The following LRRC36 variants were observed in gnomAD, a reference collection of about 807,000 sequenced individuals.
The protein encoded by LRRC36 is leucine rich repeat containing 36, also known as leucine-rich repeat-containing protein 36.
Under a neutral mutation model 81.1 loss-of-function variants are expected in LRRC36, and 62 were observed. The ratio of observed to expected loss-of-function variants is 0.76; its 90% CI spans 0.62 to 0.94. The LOEUF is 0.94. Among genes scored for constraint, LRRC36 ranks in the 40% least tolerant of loss-of-function variants. The pLI, the probability that LRRC36 is intolerant of heterozygous loss-of-function variation, is 0.00. For missense variants in LRRC36, 761 were observed against 881.7 expected (o/e 0.86, Z 1.73); for synonymous variants, 334 against 348.6 (o/e 0.96, Z 0.47).
At chr16:67,376,950 C>T (rs2039923958) in intron 11 of LRRC36, 78 bp downstream of exon 11, 2 of 1,436,736 alleles carry the variant, frequency 1.4e-6, no homozygotes, top group Non-Finnish European at 1.9e-6. Context: ...ATCAGCATCA[C>T]CGTGAACACC....
intron 13 of LRRC36, 29 bp from the exon 14 acceptor site, chr16:67,384,841 C>A (rs1035925933): frequency 6.3e-6 from 10 of 1,582,816 alleles, no homozygotes; most frequent in South Asian, 1.1e-5. Flanking sequence ...TTTATGATTT[C>A]ATGACTGCCT....
At position 67,326,946 on chromosome 16, in the gene LRRC36, G is replaced by A. The variant is rs1389967245; in HGVS notation, c.70+14G>A. 6.7e-7 allele frequency: 1 copy of A among 1,498,128 alleles called. No homozygotes were observed. The highest frequency in any genetic ancestry group is 8.8e-7 in the Non-Finnish European group (1 of 1,135,060). The allele number at this position is 1,498,128 out of a possible 1,614,324, so 92.8% of individuals were successfully genotyped here. A position where few individuals can be genotyped will look rare whatever the true frequency, so the allele number is the denominator to read the frequency against. ...TGGAGCAGCCGGGTAGGGTCTGGCC[G>A]GGAGGGTGTGGACTGGGAACGTAGG... On this transcript the variant is annotated intron_variant, in intron 1 of 13. Coordinates refer to ENST00000329956, the MANE Select transcript of LRRC36 (RefSeq NM_018296.6).
chr16:67,361,411 T>C (rs1323091715), intron 5 of LRRC36, among the ~76,000 whole-genome samples: 1 of 152,224 alleles, frequency 6.6e-6, no homozygotes, highest in Non-Finnish European at 1.5e-5. Context: ...TTGTTATTTT[T>C]ACTTTTTATT....
chr16:67,354,843 A>G (rs775321127), intron 5 of LRRC36, among the ~76,000 whole-genome samples: 9 of 152,202 alleles, frequency 5.9e-5, no homozygotes, highest in Non-Finnish European at 1.3e-4. Context: ...TATAAACGAC[A>G]TGTATCTACT....
At chr16:67,345,314 A>G (rs2038290364) in intron 2 of LRRC36, among the ~76,000 whole-genome samples, 1 of 123,782 alleles carries the variant, frequency 8.1e-6, no homozygotes, top group Non-Finnish European at 1.7e-5. Flanking sequence ...ACCCTGTCTC[A>G]AAAAAAAAAA....
intron 5 of LRRC36, among the ~76,000 whole-genome samples, chr16:67,350,892 G>T (rs1473987206): frequency 1.3e-5 from 2 of 152,110 alleles, no homozygotes. Flanking sequence ...TACAAAATTA[G>T]CCGGGCTTGG....
Position 67,367,187 on chromosome 16 carries a change from A to G in LRRC36, c.925A>G (p.Lys309Glu). 6.2e-7 allele frequency: 1 copy of G among 1,614,182 alleles called. No individual in the cohort carries two copies. Residue 309 changes from lysine (K) to glutamate (E), a missense_variant, in exon 8 of 14, where the codon AAA (lysine) becomes GAA (glutamate). By Grantham distance (56) the Lys-to-Glu change is moderately conservative. Transcript: ENST00000329956. ...TCTTACCCATGATGCCTCATTGAGTAAATGCCTGGATGTGGGTGATTCTAG... is the reference window on the plus strand; with the variant it reads ...TCTTACCCATGATGCCTCATTGAGTGAATGCCTGGATGTGGGTGATTCTAG... Reference protein sequence around the residue: ...FHLTHDASLSKCLDVGDSSQI... With the variant: ...FHLTHDASLSECLDVGDSSQI...
chr16:67,353,734 A>G (rs1450583068), intron 5 of LRRC36, among the ~76,000 whole-genome samples: 2 of 152,120 alleles, frequency 1.3e-5, no homozygotes, highest in Non-Finnish European at 2.9e-5. Context: ...GTTAATCCTC[A>G]CAACAACCTT....
intron 9 of LRRC36, chr16:67,371,503 T>C (rs1021179426): frequency 2.0e-6 from 1 of 495,288 alleles, no homozygotes; most frequent in African/African-American, 1.9e-5. Flanking sequence ...AAGATTGAAC[T>C]CTGTAGCATC....
At chr16:67,360,057 G>A (rs1265544717) in intron 5 of LRRC36, among the ~76,000 whole-genome samples, 4 of 152,016 alleles carry the variant, frequency 2.6e-5, no homozygotes, top group Admixed American at 1.3e-4. Context: ...GCCGGGAGGC[G>A]GAGGTTGCAG....
At chr16:67,356,367 G>A (rs1002111351) in intron 5 of LRRC36, among the ~76,000 whole-genome samples, 1 of 152,174 alleles carries the variant, frequency 6.6e-6, no homozygotes, top group African/African-American at 2.4e-5. Context: ...TGGAATAGCA[G>A]AGACTTCTCA....
At chr16:67,350,046 C>A (rs1213251875) in intron 4 of LRRC36, among the ~76,000 whole-genome samples, 156 bp from the exon 5 acceptor site, 9 of 152,160 alleles carry the variant, frequency 5.9e-5, no homozygotes, top group Admixed American at 5.9e-4. Flanking sequence ...CAGGGGTGAG[C>A]CACTGTGCCC....
chr16:67,375,777 G>A (rs1009676413), intron 10 of LRRC36, among the ~76,000 whole-genome samples: 7 of 152,110 alleles, frequency 4.6e-5, no homozygotes, highest in Non-Finnish European at 7.3e-5. Flanking sequence ...AATTGGGTTT[G>A]ATCATCAGAG....
At position 67,367,116 on chromosome 16, in the gene LRRC36, GTTC is replaced by G; in HGVS notation, c.859_861del (p.Ser287del). ...TCTTTTTTGGACAATAAGTCTTCAG[GTTC>G]TTCTCCAGAAAAGGAATTGATACCA... is the stretch of plus-strand genomic sequence containing the variant. On this transcript the variant is annotated inframe_deletion, in exon 8 of 14. Transcript: ENST00000329956. 1 of 1,614,016 alleles carries G rather than the reference GTTC, an allele frequency of 6.2e-7. No homozygotes were observed. Among genetic ancestry groups the G allele is most frequent in the Non-Finnish European group, 8.5e-7 (1 of 1,179,994 alleles).
intron 5 of LRRC36, among the ~76,000 whole-genome samples, chr16:67,352,113 T>G (rs1414540296): frequency 6.6e-6 from 1 of 152,234 alleles, no homozygotes; most frequent in Non-Finnish European, 1.5e-5. Flanking sequence ...AGTCTGAAAG[T>G]GTACTTTCTC....
chr16:67,367,633 A>G (rs1169852478), intron 8 of LRRC36, among the ~76,000 whole-genome samples, 176 bp downstream of exon 8: 3 of 152,068 alleles, frequency 2.0e-5, no homozygotes, highest in Non-Finnish European at 4.4e-5. Context: ...GTTTAACATG[A>G]TATATATATT....
intron 5 of LRRC36, among the ~76,000 whole-genome samples, chr16:67,355,128 G>A (rs2038836736): frequency 6.6e-6 from 1 of 152,024 alleles, no homozygotes; most frequent in East Asian, 1.9e-4. Flanking sequence ...TTTATTGTCT[G>A]GATGTACCAC....
intron 2 of LRRC36, among the ~76,000 whole-genome samples, chr16:67,345,931 C>T (rs1292988243): frequency 6.6e-6 from 1 of 152,086 alleles, no homozygotes; most frequent in African/African-American, 2.4e-5. Context: ...ACTGGGAAAC[C>T]ACTGTGAAGG....
rs1439563161 is a variant in LRRC36, at chr16:67,371,075, A to G, written c.1327A>G (p.Arg443Gly). 6.2e-7 allele frequency: 1 copy of G among 1,614,232 alleles called. No homozygotes were observed. Among genetic ancestry groups the G allele is most frequent in the Non-Finnish European group, 8.5e-7 (1 of 1,180,042 alleles). Residue 443 changes from arginine to glycine, a missense_variant, in exon 9 of 14, where the codon AGG becomes GGG. This residue lies in a region of LRRC36 where 359 missense variants were observed against 388.4 expected (regional missense o/e 0.92). Transcript: ENST00000329956. The stretch of plus-strand genomic sequence containing the variant: ...CCCAAACAACGCTGTCCTGGGAAAC[A>G]GGACAACTCCTCTGCGGACACTGCT... ...SVPNNAVLGN[R>G]TTPLRTLLLS...
Sources: gnomAD v4.1 joint callset for allele counts (sites outside exome capture counted in the v4.1 genomes callset) on GRCh38, gnomAD v4.1.1 for gene constraint, gnomAD v4.1.1 regional missense constraint, MANE v1.5 for transcripts, NCBI Gene and HGNC (gene_info 2026-07-23, HGNC 2026-07-21) for gene names.